The following TMEM108 variants were observed in gnomAD, a reference collection of about 807,000 sequenced individuals.
TMEM108 encodes cancer/testis antigen 124.
In TMEM108, 12 loss-of-function variants were observed where a neutral mutation model predicts 35.1. The observed-to-expected ratio is 0.34, with a 90% CI of 0.22 to 0.55. The LOEUF is 0.55. Among genes scored for constraint, TMEM108 ranks in the 20% least tolerant of loss-of-function variants. The pLI is 0.89. For missense variants in TMEM108, 680 were observed against 753.3 expected (o/e 0.90, Z 1.14); for synonymous variants, 287 against 308.6 (o/e 0.93, Z 0.73).
chr3:133,089,329 A>G (rs546253474), intron 2 of TMEM108, among the ~76,000 whole-genome samples: 1 of 152,320 alleles, frequency 6.6e-6, no homozygotes, highest in East Asian at 1.9e-4. Flanking sequence ...TCAAATTACC[A>G]GTTTATGTTC....
chr3:133,332,065 C>T (rs781176436), intron 3 of TMEM108, among the ~76,000 whole-genome samples: 4 of 134,352 alleles, frequency 3.0e-5, no homozygotes, highest in Admixed American at 1.5e-4. Context: ...TGTGCTTGTG[C>T]GCGTGCGTGC....
At chr3:133,082,978 C>CA (rs1943832199) in intron 2 of TMEM108, among the ~76,000 whole-genome samples, 1 of 152,118 alleles carries the variant, frequency 6.6e-6, no homozygotes, top group South Asian at 2.1e-4. Flanking sequence ...ACAAAATACT[C>CA]ATTTAATGCC....
At chr3:133,039,828 T>A (rs936265055) in intron 1 of TMEM108, among the ~76,000 whole-genome samples, 6 of 152,198 alleles carry the variant, frequency 3.9e-5, no homozygotes, top group African/African-American at 1.4e-4. Flanking sequence ...TTTATAGCTC[T>A]TACATTCCCT....
chr3:133,297,735 A>T (rs1300249287), intron 3 of TMEM108, among the ~76,000 whole-genome samples: 3 of 152,208 alleles, frequency 2.0e-5, no homozygotes, highest in African/African-American at 7.2e-5. Flanking sequence ...AGAGAGCAAA[A>T]GGAGTGGTGG....
At chr3:133,245,351 C>G (rs376338991) in intron 3 of TMEM108, among the ~76,000 whole-genome samples, 2 of 152,192 alleles carry the variant, frequency 1.3e-5, no homozygotes, top group Non-Finnish European at 2.9e-5. Context: ...TCTTTTCCTT[C>G]TTCAAGCACT....
chr3:133,099,541 A>C (rs1177993460), intron 2 of TMEM108, among the ~76,000 whole-genome samples: 2 of 152,164 alleles, frequency 1.3e-5, no homozygotes, highest in African/African-American at 4.8e-5. Context: ...AATTTTCTGA[A>C]CTTTTATGCT....
intron 2 of TMEM108, among the ~76,000 whole-genome samples, chr3:133,090,960 C>G (rs535263096): frequency 5.3e-5 from 8 of 152,058 alleles, no homozygotes; most frequent in Non-Finnish European, 1.2e-4. Flanking sequence ...ATCATCCTTG[C>G]ACATTAGATT....
At chr3:133,378,181 C>G (rs551341624) in intron 3 of TMEM108, among the ~76,000 whole-genome samples, 13 of 152,308 alleles carry the variant, frequency 8.5e-5, no homozygotes, top group African/African-American at 2.9e-4. Context: ...AGCCTCAGTG[C>G]AATCTAAAGT....
At chr3:133,264,347 T>A (rs1946667892) in intron 3 of TMEM108, among the ~76,000 whole-genome samples, 1 of 152,164 alleles carries the variant, frequency 6.6e-6, no homozygotes, top group Non-Finnish European at 1.5e-5. Flanking sequence ...ATCATGCTAT[T>A]TTCCCAGTTA....
chr3:133,115,179 T>C (rs1331497276), intron 2 of TMEM108, among the ~76,000 whole-genome samples: 3 of 152,232 alleles, frequency 2.0e-5, no homozygotes, highest in African/African-American at 7.2e-5. Flanking sequence ...ATATTTAAGA[T>C]ATATTAAGTG....
chr3:133,146,936 A>G (rs1313988829), intron 2 of TMEM108, among the ~76,000 whole-genome samples: 9 of 152,050 alleles, frequency 5.9e-5, no homozygotes, highest in Non-Finnish European at 1.3e-4. Flanking sequence ...GATTTTTTGA[A>G]GGCTTTTTCA....
intron 3 of TMEM108, among the ~76,000 whole-genome samples, chr3:133,277,647 A>G (rs182100017): frequency 6.6e-6 from 1 of 152,254 alleles, no homozygotes; most frequent in Admixed American, 6.5e-5. Context: ...CGGGCACCGC[A>G]TTGTTCTATT....
intron 2 of TMEM108, among the ~76,000 whole-genome samples, chr3:133,173,425 A>G (rs965377413): frequency 6.6e-6 from 1 of 152,228 alleles, no homozygotes; most frequent in African/African-American, 2.4e-5. Context: ...CTGAATTAAC[A>G]CTATCTGTTC....
chr3:133,333,291 ACT>A (rs1201793274), intron 3 of TMEM108, among the ~76,000 whole-genome samples: 1 of 151,044 alleles, frequency 6.6e-6, no homozygotes, highest in African/African-American at 2.4e-5. Flanking sequence ...TCCAAAATAA[ACT>A]CTCTACATTT....
intron 2 of TMEM108, among the ~76,000 whole-genome samples, chr3:133,128,693 T>C (rs1308668018): frequency 1.1e-4 from 17 of 152,162 alleles, no homozygotes; most frequent in East Asian, 1.9e-4. Flanking sequence ...TCACATAGTT[T>C]GATCATCTAC....
chr3:133,197,544 G>A (rs542768466), intron 2 of TMEM108, among the ~76,000 whole-genome samples: 3 of 152,260 alleles, frequency 2.0e-5, no homozygotes, highest in African/African-American at 7.2e-5. Flanking sequence ...TTGGCTCCTA[G>A]GACTTGCCCC....
At chr3:133,159,651 G>A (rs964931698) in intron 2 of TMEM108, among the ~76,000 whole-genome samples, 10 of 152,168 alleles carry the variant, frequency 6.6e-5, no homozygotes, top group African/African-American at 2.4e-4. Flanking sequence ...TCATAGCCCT[G>A]TGAGCGGATA....
chr3:133,345,462 C>T (rs1196537448), intron 3 of TMEM108, among the ~76,000 whole-genome samples: 3 of 151,670 alleles, frequency 2.0e-5, no homozygotes, highest in Non-Finnish European at 4.4e-5. Flanking sequence ...TAGTCATTAT[C>T]ATTAAAACCA....
At chr3:133,078,765 G>GC (rs1169754531) in intron 2 of TMEM108, among the ~76,000 whole-genome samples, 2 of 152,076 alleles carry the variant, frequency 1.3e-5, no homozygotes, top group African/African-American at 4.8e-5. Flanking sequence ...AATATGAAAT[G>GC]TTTTTTTCTT....
Sources: allele counts gnomAD v4.1 joint callset (sites outside exome capture counted in the v4.1 genomes callset), GRCh38; gene constraint gnomAD v4.1.1; transcripts MANE v1.5; gene names NCBI Gene and HGNC (gene_info 2026-07-23, HGNC 2026-07-21).